Variants in CBLN4 observed in about 807,000 individuals in gnomAD.
CBLN4 encodes the protein cerebellin-4.
A neutral mutation model predicts 14.9 loss-of-function variants in CBLN4; 7 were observed. The ratio of observed to expected loss-of-function variants is 0.47; its 90% CI spans 0.27 to 0.88. CBLN4 has a LOEUF of 0.88. Ranked by LOEUF, CBLN4 falls within the 40% of genes least tolerant of loss-of-function variation. The pLI, the probability that CBLN4 is intolerant of heterozygous loss-of-function variation, is 0.14. For synonymous variants in CBLN4, 131 were observed against 116.5 expected, an observed-to-expected ratio of 1.12 and a Z score of -0.80; for missense variants, 188 against 256.8, an observed-to-expected ratio of 0.73 and a Z score of 1.83.
At position 56,004,245 on chromosome 20, in the gene CBLN4, G is replaced by C; in HGVS notation, c.-74C>G. 7.4e-7 allele frequency: 1 copy of C among 1,345,616 alleles called. No homozygotes were observed. The highest frequency in any genetic ancestry group is 1.7e-5 in the South Asian group (1 of 57,554). 83.4% of individuals were successfully genotyped at this position (1,345,616 alleles called of 1,614,324 possible). A position where few individuals can be genotyped will look rare whatever the true frequency, so the allele number is the denominator to read the frequency against. ...CGTCGCCTCCTACCCCGGGATCCCG[G>C]TGCTCGGGAAGATGCTAGCGGCTAG... On this transcript the variant is annotated 5_prime_UTR_variant, in exon 1 of 3. Coordinates refer to ENST00000064571, the MANE Select transcript of CBLN4 (RefSeq NM_080617.6). This position sits in a 1 kb window ranked among gnomAD's most constrained non-coding sequence, Gnocchi z 6.1.
intron 1 of CBLN4, among the ~76,000 whole-genome samples, chr20:56,002,311 A>G (rs1986388564): frequency 1.3e-5 from 2 of 152,232 alleles, no homozygotes; most frequent in African/African-American, 2.4e-5. Flanking sequence ...TTCAAGCACA[A>G]TTAAAATAAT....
In CBLN4 at chr20:55,998,148, T is replaced by TATA. The variant is rs1986311541; in HGVS notation, c.*408_*409insTAT. 1 of 187,492 alleles carries TATA rather than the reference T, an allele frequency of 5.3e-6. No homozygotes were observed. Among genetic ancestry groups the TATA allele is most frequent in the African/African-American group, 2.4e-5 (1 of 42,214 alleles). The allele number at this position is 187,492 out of a possible 1,614,324, so 11.6% of individuals were successfully genotyped here. A position where few individuals can be genotyped will look rare whatever the true frequency, so the allele number is the denominator to read the frequency against. Reference sequence around the variant, plus strand: ...AATATATTAACACAGTATACAGTTCTTTGGCAGTATCACACTAACCGTTGA... The same window carrying TATA: ...AATATATTAACACAGTATACAGTTCTATATTGGCAGTATCACACTAACCGTTGA... On this transcript the variant is annotated 3_prime_UTR_variant, in exon 3 of 3. Coordinates refer to ENST00000064571, the MANE Select transcript of CBLN4 (RefSeq NM_080617.6).
At position 56,004,415 on chromosome 20, in the gene CBLN4, T is replaced by G; in HGVS notation, c.-244A>C. 1 of 435,854 alleles carries G rather than the reference T, an allele frequency of 2.3e-6. No individual in the cohort carries two copies. The allele number at this position is 435,854 out of a possible 1,614,324, so 27.0% of individuals were successfully genotyped here. A position where few individuals can be genotyped will look rare whatever the true frequency, so the allele number is the denominator to read the frequency against. ...GGAGCTCATGCAGCACCCTTTACCC[T>G]ACTCTCCTCCGCCCAAGAATCAGCC... On this transcript the variant is annotated 5_prime_UTR_variant, in exon 1 of 3. Transcript: ENST00000064571. This position sits in a 1 kb window ranked among gnomAD's most constrained non-coding sequence, Gnocchi z 6.1.
At chr20:56,003,758 G>A in intron 1 of CBLN4, 123 bp downstream of exon 1, 1 of 993,026 alleles carries the variant, frequency 1.0e-6, no homozygotes, top group Non-Finnish European at 1.5e-6. Flanking sequence ...TATTTGGGAA[G>A]GCGAGTGCTT....
rs984130980 is a variant in CBLN4 at position 56,005,375 on chromosome 20, C to T, written c.-1204G>A. The T allele has an allele frequency of 6.6e-6, 1 of 152,212 alleles. No homozygotes were observed. The highest frequency in any genetic ancestry group is 1.5e-5 in the Non-Finnish European group (1 of 68,058). 9.4% of individuals were successfully genotyped at this position (152,212 alleles called of 1,614,324 possible). Reference sequence around the variant, plus strand: ...GGAGCGCGGCGCTGCCAGGCCGGGTCGCGAAAAAGGATAAGCCGCCGCGGA... The same window carrying T: ...GGAGCGCGGCGCTGCCAGGCCGGGTTGCGAAAAAGGATAAGCCGCCGCGGA... On this transcript the variant is annotated 5_prime_UTR_variant, in exon 1 of 3. Transcript: ENST00000064571.
Position 56,005,465 on chromosome 20 carries a change from C to A in CBLN4, c.-1294G>T, listed in dbSNP as rs1986454672. ...CGTCCCGACCGCGCCTGGCCGGGAG[C>A]CCGCCCCACACAGCCCTGGGGCCTG... On this transcript the variant is annotated 5_prime_UTR_variant, in exon 1 of 3. Coordinates refer to ENST00000064571, the MANE Select transcript of CBLN4 (RefSeq NM_080617.6). 6.6e-6 allele frequency: 1 copy of A among 152,238 alleles called. No individual in the cohort carries two copies. 9.4% of individuals were successfully genotyped at this position (152,238 alleles called of 1,614,324 possible). A position where few individuals can be genotyped will look rare whatever the true frequency, so the allele number is the denominator to read the frequency against.
At chr20:55,999,344 T>C (rs1415559847) in intron 2 of CBLN4, among the ~76,000 whole-genome samples, 4 of 152,216 alleles carry the variant, frequency 2.6e-5, no homozygotes, top group African/African-American at 9.7e-5. Flanking sequence ...AGGCCAGGCA[T>C]AGTGGCTCAT....
intron 1 of CBLN4, among the ~76,000 whole-genome samples, chr20:56,002,657 T>C (rs962914163): frequency 1.3e-5 from 2 of 152,230 alleles, no homozygotes; most frequent in African/African-American, 4.8e-5. Context: ...TGCTAGACTT[T>C]ATTTCCATCA....
At chr20:56,003,816 A>C in intron 1 of CBLN4, 65 bp downstream of exon 1, 1 of 1,503,956 alleles carries the variant, frequency 6.6e-7, no homozygotes, top group South Asian at 1.3e-5. Context: ...CTGGGCAGGC[A>C]GCCTCGTGCT....
Position 56,004,209 on chromosome 20 carries a change from G to A in CBLN4, c.-38C>T. On this transcript the variant is annotated 5_prime_UTR_variant, in exon 1 of 3. Transcript: ENST00000064571. The surrounding 1 kb of genome is among the most constrained non-coding windows in gnomAD (Gnocchi z 6.1). The stretch of plus-strand genomic sequence containing the variant: ...GGGCAGCCGCAGCCGGCTGGCGCTG[G>A]TGCTCGCCCGCGTCGCCTCCTACCC... 7.3e-7 allele frequency: 1 copy of A among 1,376,492 alleles called. No homozygotes were observed. The highest frequency in any genetic ancestry group is 9.3e-7 in the Non-Finnish European group (1 of 1,072,688). The allele number at this position is 1,376,492 out of a possible 1,614,324, so 85.3% of individuals were successfully genotyped here. A position where few individuals can be genotyped will look rare whatever the true frequency, so the allele number is the denominator to read the frequency against.
Position 56,004,270 on chromosome 20 carries a change from G to T in CBLN4, c.-99C>A. 1 of 1,240,432 alleles carries T rather than the reference G, an allele frequency of 8.1e-7. No individual in the cohort carries two copies. The highest frequency in any genetic ancestry group is 1.8e-5 in the South Asian group (1 of 55,264). The allele number at this position is 1,240,432 out of a possible 1,614,324, so 76.8% of individuals were successfully genotyped here. On this transcript the variant is annotated 5_prime_UTR_variant, in exon 1 of 3. Coordinates refer to ENST00000064571, the MANE Select transcript of CBLN4 (RefSeq NM_080617.6). The surrounding 1 kb of genome is among the most constrained non-coding windows in gnomAD (Gnocchi z 6.1). ...GTGCTCGGGAAGATGCTAGCGGCTA[G>T]GTCGACAGCGCTGCAGGAGCGACGG...
rs547631459 is a variant in CBLN4 at position 56,003,203 on chromosome 20, C to G, written c.291+678G>C. ...AGCGCTTTCCTACAGGAGCTCAGCG[C>G]AGTTGCCAAATTCCTTTTCCTCCCC... On this transcript the variant is annotated intron_variant, in intron 1 of 2. Coordinates refer to ENST00000064571, the MANE Select transcript of CBLN4 (RefSeq NM_080617.6). Among the ~76,000 whole-genome samples the G allele has an allele frequency of 3.3e-5, 5 of 152,340 alleles. No individual in the cohort carries two copies. In the South Asian group the frequency reaches 1.0e-3, roughly 32 times the overall value.
Position 55,998,381 on chromosome 20 carries a change from C to T in CBLN4, c.*176G>A. On this transcript the variant is annotated 3_prime_UTR_variant, in exon 3 of 3. Transcript: ENST00000064571. ...CAATCCAAATATACTGAAACAGACA[C>T]ACACAAATAATCTGTGAAATTTTGT... 1 of 662,130 alleles carries T rather than the reference C, an allele frequency of 1.5e-6. No homozygotes were observed. Among genetic ancestry groups the T allele is most frequent in the Non-Finnish European group, 2.6e-6 (1 of 390,280 alleles). The allele number at this position is 662,130 out of a possible 1,614,324, so 41.0% of individuals were successfully genotyped here. A position where few individuals can be genotyped will look rare whatever the true frequency, so the allele number is the denominator to read the frequency against.
chr20:56,003,977 C>T lies in CBLN4; in HGVS notation c.195G>A (p.Arg65=). 6.2e-7 allele frequency: 1 copy of T among 1,614,050 alleles called. No homozygotes were observed. Among genetic ancestry groups the T allele is most frequent in the Middle Eastern group, 1.7e-4 (1 of 6,060 alleles). ...SSSSPLGISV[R]AANSKVAFSA... Reference sequence around the variant, plus strand: ...AGAAGGCGACCTTGGAGTTGGCCGCCCGGACCGATATCCCCAGCGGGGAGG... The same window carrying T: ...AGAAGGCGACCTTGGAGTTGGCCGCTCGGACCGATATCCCCAGCGGGGAGG... Residue 65 remains arginine (R), a synonymous_variant, in exon 1 of 3, where the codon CGG becomes CGA. Transcript: ENST00000064571.
At chr20:56,000,103 T>C (rs995786338) in intron 2 of CBLN4, among the ~76,000 whole-genome samples, 5 of 152,242 alleles carry the variant, frequency 3.3e-5, no homozygotes, top group African/African-American at 1.2e-4. Context: ...CAAGCTCCAC[T>C]GTTGCTTTTG....
In CBLN4 at chr20:56,004,850, T is replaced by C. The variant is rs1039978587; in HGVS notation, c.-679A>G. 2 of 152,374 alleles carry C rather than the reference T, an allele frequency of 1.3e-5. No homozygotes were observed. Among genetic ancestry groups the C allele is most frequent in the African/African-American group, 4.8e-5 (2 of 41,466 alleles). The allele number at this position is 152,374 out of a possible 1,614,324, so 9.4% of individuals were successfully genotyped here. A position where few individuals can be genotyped will look rare whatever the true frequency, so the allele number is the denominator to read the frequency against. Reference sequence around the variant, plus strand: ...AGGTCCCTCGCACCGAAAGCGCGGATTCGCAGGATCAGGTCCAGGGCGCCG... The same window carrying C: ...AGGTCCCTCGCACCGAAAGCGCGGACTCGCAGGATCAGGTCCAGGGCGCCG... On this transcript the variant is annotated 5_prime_UTR_variant, in exon 1 of 3. Transcript: ENST00000064571. This position sits in a 1 kb window ranked among gnomAD's most constrained non-coding sequence, Gnocchi z 6.1.
intron 1 of CBLN4, among the ~76,000 whole-genome samples, chr20:56,001,940 G>A (rs2145959394): frequency 6.6e-6 from 1 of 152,180 alleles, no homozygotes; most frequent in East Asian, 1.9e-4. Context: ...ACCTGTAAGT[G>A]GCATTCAAAA....
Position 56,004,336 on chromosome 20 carries a change from A to G in CBLN4, c.-165T>C. ...CACTTCCACCAATTCTGTGGCTTGAAGTCAAAGTCTCCCCTCGAGCTCTCT... is the reference window on the plus strand; with the variant it reads ...CACTTCCACCAATTCTGTGGCTTGAGGTCAAAGTCTCCCCTCGAGCTCTCT... On this transcript the variant is annotated 5_prime_UTR_variant, in exon 1 of 3. Transcript: ENST00000064571. This position sits in a 1 kb window ranked among gnomAD's most constrained non-coding sequence, Gnocchi z 6.1. 1.6e-6 allele frequency: 1 copy of G among 607,324 alleles called. No individual in the cohort carries two copies. The highest frequency in any genetic ancestry group is 2.6e-6 in the Non-Finnish European group (1 of 382,812). The allele number at this position is 607,324 out of a possible 1,614,324, so 37.6% of individuals were successfully genotyped here.
intron 1 of CBLN4, among the ~76,000 whole-genome samples, chr20:56,003,248 A>G (rs752876361): frequency 2.2e-4 from 33 of 152,020 alleles, no homozygotes; most frequent in Non-Finnish European, 4.0e-4. Context: ...ACTTTTCTCT[A>G]AGTACCGGAG....
Sources: gnomAD v4.1 joint callset for allele counts (sites outside exome capture counted in the v4.1 genomes callset) on GRCh38, gnomAD v4.1.1 for gene constraint, Gnocchi (gnomAD v3.1) non-coding constraint, MANE v1.5 for transcripts, NCBI Gene and HGNC (gene_info 2026-07-23, HGNC 2026-07-21) for gene names.